The following PCDH15 variants were observed in gnomAD, a reference collection of about 807,000 sequenced individuals.
The protein encoded by PCDH15 is protocadherin-15.
PCDH15 carries 129 observed loss-of-function variants against 178.5 expected under a neutral mutation model. That is an observed-to-expected ratio of 0.72 (90% CI 0.63 to 0.84). The LOEUF (loss-of-function observed/expected upper bound fraction) is 0.84. Ranked by LOEUF, PCDH15 falls within the 40% of genes least tolerant of loss-of-function variation. The pLI is 0.00. For synonymous variants in PCDH15, 800 were observed against 732.0 expected (o/e 1.09, Z -1.50); for missense variants, 2,230 against 2,099.9 (o/e 1.06, Z -1.21).
intron 1 of PCDH15, among the ~76,000 whole-genome samples, chr10:55,219,382 G>A (rs1474063826): frequency 6.6e-6 from 1 of 151,764 alleles, no homozygotes; most frequent in Non-Finnish European, 1.5e-5. Flanking sequence ...TAACAGTCCC[G>A]ATGCAGCACT....
intron 17 of PCDH15, among the ~76,000 whole-genome samples, chr10:54,077,643 T>C (rs1449034048): frequency 2.0e-5 from 3 of 152,210 alleles, no homozygotes; most frequent in Non-Finnish European, 2.9e-5. Flanking sequence ...CCTTAGAATA[T>C]TTTCTCTCAC....
chr10:55,357,195 G>C (rs938956591), intron 2 of PCDH15, among the ~76,000 whole-genome samples: 9 of 151,678 alleles, frequency 5.9e-5, no homozygotes, highest in African/African-American at 2.2e-4. Flanking sequence ...AAATTATATT[G>C]AAAAATTCAA....
chr10:54,058,972 G>A (rs1036080942), intron 18 of PCDH15, among the ~76,000 whole-genome samples: 1 of 152,038 alleles, frequency 6.6e-6, no homozygotes, highest in African/African-American at 2.4e-5. Context: ...GGGATTACAG[G>A]CATGAGCCAC....
At chr10:55,360,026 A>C (rs1160239870) in intron 2 of PCDH15, among the ~76,000 whole-genome samples, 1 of 151,854 alleles carries the variant, frequency 6.6e-6, no homozygotes, top group Non-Finnish European at 1.5e-5. Flanking sequence ...AAAGGTTACA[A>C]AAATTTCAGT....
intron 1 of PCDH15, among the ~76,000 whole-genome samples, chr10:55,226,977 A>C (rs943239944): frequency 2.6e-5 from 4 of 152,104 alleles, no homozygotes; most frequent in Non-Finnish European, 4.4e-5. Flanking sequence ...ATTAACAAAA[A>C]AATTAGAAAA....
At chr10:55,046,958 A>G (rs928709886) in intron 2 of PCDH15, among the ~76,000 whole-genome samples, 1 of 151,874 alleles carries the variant, frequency 6.6e-6, no homozygotes, top group Non-Finnish European at 1.5e-5. Flanking sequence ...TTAAAATTAC[A>G]TATTCATCTA....
At chr10:54,198,711 C>T (rs190372523) in intron 10 of PCDH15, among the ~76,000 whole-genome samples, 2 of 95,490 alleles carry the variant, frequency 2.1e-5, no homozygotes, top group Non-Finnish European at 3.8e-5. Flanking sequence ...CCGTTTTAGC[C>T]GGGATGGTCT....
chr10:53,910,879 T>A (rs2083039801), intron 25 of PCDH15, among the ~76,000 whole-genome samples: 1 of 152,252 alleles, frequency 6.6e-6, no homozygotes, highest in Middle Eastern at 3.4e-3. Flanking sequence ...CAAGCTTCAA[T>A]AGCCATTTTC....
chr10:54,505,785 T>G (rs1589765128), intron 3 of PCDH15, among the ~76,000 whole-genome samples: 1 of 152,150 alleles, frequency 6.6e-6, no homozygotes, highest in East Asian at 1.9e-4. Context: ...CCCCAGAACT[T>G]AAAGTATAAT....
chr10:55,188,604 C>T (rs1591976190), intron 1 of PCDH15, among the ~76,000 whole-genome samples: 1 of 151,904 alleles, frequency 6.6e-6, no homozygotes, highest in Non-Finnish European at 1.5e-5. Context: ...CCATTTTGCA[C>T]AGCTCATCTA....
intron 2 of PCDH15, among the ~76,000 whole-genome samples, chr10:55,025,648 T>C (rs7912387): frequency 0.57 from 86,316 of 151,662 alleles, 24,894 homozygotes; most frequent in East Asian, 0.75. Context: ...GGAGGAGTTA[T>C]AAAATATATA....
At chr10:54,981,316 T>A (rs540510027) in intron 2 of PCDH15, among the ~76,000 whole-genome samples, 26 of 152,294 alleles carry the variant, frequency 1.7e-4, no homozygotes, top group Non-Finnish European at 3.7e-4. Flanking sequence ...CCAAATTCCA[T>A]CACTATCATG....
intron 7 of PCDH15, among the ~76,000 whole-genome samples, chr10:54,321,096 T>A (rs1302905462): frequency 6.9e-6 from 1 of 144,808 alleles, no homozygotes. Context: ...CAATAACAAA[T>A]AAGTTAATAA....
chr10:54,386,486 T>G (rs1179169192), intron 3 of PCDH15, among the ~76,000 whole-genome samples: 2 of 152,008 alleles, frequency 1.3e-5, no homozygotes, highest in Non-Finnish European at 2.9e-5. Flanking sequence ...TTTTATTATT[T>G]ATACATAATA....
chr10:55,550,503 C>T (rs1455271856), intron 2 of PCDH15, among the ~76,000 whole-genome samples: 3 of 151,844 alleles, frequency 2.0e-5, no homozygotes, highest in African/African-American at 4.8e-5. Flanking sequence ...CCCTTGAGCA[C>T]GAAGGTCTGT....
chr10:54,075,309 G>A (rs765603017), intron 17 of PCDH15, among the ~76,000 whole-genome samples: 7 of 151,952 alleles, frequency 4.6e-5, no homozygotes, highest in Non-Finnish European at 8.8e-5. Context: ...CCCGGGAGGC[G>A]GAGTTTGCAG....
chr10:55,207,075 T>C (rs1840422726), intron 1 of PCDH15, among the ~76,000 whole-genome samples: 1 of 152,040 alleles, frequency 6.6e-6, no homozygotes, highest in Non-Finnish European at 1.5e-5. Flanking sequence ...AAGAATCAAG[T>C]AATAATCATC....
At chr10:55,195,164 C>G (rs951119044) in intron 1 of PCDH15, among the ~76,000 whole-genome samples, 9 of 151,654 alleles carry the variant, frequency 5.9e-5, no homozygotes, top group Non-Finnish European at 1.3e-4. Context: ...GCTGGGATTA[C>G]AGGCATCAGC....
At chr10:54,151,951 T>C (rs747745834) in intron 14 of PCDH15, among the ~76,000 whole-genome samples, 162 of 152,052 alleles carry the variant, frequency 1.1e-3, no homozygotes, top group Non-Finnish European at 1.9e-3. Flanking sequence ...TGGTAATAGG[T>C]TATAAAATAT....
Sources: gnomAD v4.1 joint callset for allele counts (sites outside exome capture counted in the v4.1 genomes callset) on GRCh38, gnomAD v4.1.1 for gene constraint, MANE v1.5 for transcripts, NCBI Gene and HGNC (gene_info 2026-07-23, HGNC 2026-07-21) for gene names.